Variants in RORA observed in about 807,000 individuals in gnomAD.
RORA encodes nuclear receptor ROR-alpha.
In RORA, 7 loss-of-function variants were observed where a neutral mutation model predicts 69.5. That is an observed-to-expected ratio of 0.10 (90% confidence interval 0.06 to 0.19). The LOEUF is 0.19. Ranked by LOEUF, RORA falls within the 10% of genes least tolerant of loss-of-function variation. The pLI is 1.00. For missense variants in RORA, 457 were observed against 663.0 expected (o/e 0.69, Z 3.41); for synonymous variants, 261 against 240.8 (o/e 1.08, Z -0.78).
At chr15:60,584,310 TTAGAGCTAACTTATGGCTTATG>T (rs2068270631) in intron 2 of RORA, among the ~76,000 whole-genome samples, 1 of 152,246 alleles carries the variant, frequency 6.6e-6, no homozygotes. Context: ...AGGCAGGATT[TTAGAGCTAACTTATGGCTTATG>T]TGGAAGCAAA....
intron 2 of RORA, among the ~76,000 whole-genome samples, chr15:60,543,474 C>T (rs2066967559): frequency 6.6e-6 from 1 of 152,010 alleles, no homozygotes; most frequent in Non-Finnish European, 1.5e-5. Context: ...CTATAATCAT[C>T]ATCACTGTCT....
chr15:60,665,773 C>T (rs1356226737), intron 2 of RORA, among the ~76,000 whole-genome samples: 1 of 152,158 alleles, frequency 6.6e-6, no homozygotes, highest in Non-Finnish European at 1.5e-5. Flanking sequence ...CTCCCGGGTT[C>T]AAGCAATTCT....
intron 1 of RORA, among the ~76,000 whole-genome samples, chr15:60,738,145 C>T (rs756367711): frequency 3.9e-5 from 6 of 152,144 alleles, no homozygotes; most frequent in South Asian, 2.1e-4. Flanking sequence ...AGGGATAAGC[C>T]GAGACCGTAG....
At chr15:60,759,217 G>C (rs1473551089) in intron 1 of RORA, among the ~76,000 whole-genome samples, 2 of 152,194 alleles carry the variant, frequency 1.3e-5, no homozygotes, top group African/African-American at 4.8e-5. Flanking sequence ...TATTCCCCAA[G>C]GAGAGCCTGA....
At chr15:60,655,028 A>G (rs2070199386) in intron 2 of RORA, among the ~76,000 whole-genome samples, 1 of 152,156 alleles carries the variant, frequency 6.6e-6, no homozygotes, top group Non-Finnish European at 1.5e-5. Flanking sequence ...CTTGTTTACC[A>G]CTTACTGCAT....
At chr15:60,501,128 C>T (rs553735441) in intron 8 of RORA, 59 bp from the exon 9 acceptor site, 5 of 911,240 alleles carry the variant, frequency 5.5e-6, no homozygotes, top group Non-Finnish European at 8.7e-6. Context: ...GGAGAAAAAC[C>T]TAGGTCTTAG....
At chr15:60,504,143 C>A (rs2141279216) in intron 6 of RORA, among the ~76,000 whole-genome samples, 1 of 152,182 alleles carries the variant, frequency 6.6e-6, no homozygotes, top group Non-Finnish European at 1.5e-5. Context: ...GGAAATTTAA[C>A]ACCACTTTAC....
rs1379648751 is a variant in RORA, at chr15:60,497,133, G to A, written c.*322C>T. On this transcript the variant is annotated 3_prime_UTR_variant, in exon 11 of 11. Coordinates refer to ENST00000335670, the MANE Select transcript of RORA (RefSeq NM_134261.3). ...TTGGTGACTCTGTAGAAAGTCTGTG[G>A]GCAGTGAGCTACAAGAAAAGGAAAT... The A allele has an allele frequency of 4.6e-6, 1 of 215,390 alleles. No homozygotes were observed. Among genetic ancestry groups the A allele is most frequent in the East Asian group, 1.1e-4 (1 of 9,120 alleles). 13.3% of individuals were successfully genotyped at this position (215,390 alleles called of 1,614,324 possible). A position where few individuals can be genotyped will look rare whatever the true frequency, so the allele number is the denominator to read the frequency against.
intron 1 of RORA, among the ~76,000 whole-genome samples, chr15:61,218,671 A>AACACAC (rs1289661510): frequency 1.8e-3 from 62 of 35,260 alleles, no homozygotes; most frequent in African/African-American, 4.0e-3. Flanking sequence ...TTACTAATAT[A>AACACAC]ACTCACACAC....
chr15:60,506,894 G>C (rs1289236472), intron 5 of RORA, among the ~76,000 whole-genome samples: 1 of 152,036 alleles, frequency 6.6e-6, no homozygotes, highest in African/African-American at 2.4e-5. Context: ...GGCTGAAGCA[G>C]GAGAATCGCT....
At chr15:60,751,711 C>T (rs2071725957) in intron 1 of RORA, among the ~76,000 whole-genome samples, 1 of 152,106 alleles carries the variant, frequency 6.6e-6, no homozygotes, top group Admixed American at 6.6e-5. Context: ...TGCATCCTCT[C>T]GGCACCAGGT....
At chr15:61,222,218 C>CCT (rs972765846) in intron 1 of RORA, among the ~76,000 whole-genome samples, 29 of 152,236 alleles carry the variant, frequency 1.9e-4, no homozygotes, top group African/African-American at 7.0e-4. Context: ...TACAGGGCTC[C>CCT]CTAGCTGACC....
At chr15:60,818,257 C>A (rs530393692) in intron 1 of RORA, among the ~76,000 whole-genome samples, 10 of 151,806 alleles carry the variant, frequency 6.6e-5, no homozygotes, top group African/African-American at 2.4e-4. Context: ...TTTGTGCCAA[C>A]CTAATAATAA....
chr15:60,988,836 A>G (rs1285448807), intron 1 of RORA, among the ~76,000 whole-genome samples: 5 of 152,018 alleles, frequency 3.3e-5, no homozygotes, highest in African/African-American at 1.2e-4. Flanking sequence ...CCCACTCCCC[A>G]TTTCCACTTA....
Position 60,504,327 on chromosome 15 carries a change from A to G in RORA, c.943-660T>C, listed in dbSNP as rs150018102. On this transcript the variant is annotated intron_variant, in intron 6 of 10. Coordinates refer to ENST00000335670, the MANE Select transcript of RORA (RefSeq NM_134261.3). ...TTTGGGAGGCCGAGGCAGGGGGATC[A>G]CTTGAGGTCTGGAGTTCAAGACCAG... Among the ~76,000 whole-genome samples, 125 of 151,846 alleles carry G rather than the reference A, an allele frequency of 8.2e-4. 1 individual carries two copies. In the East Asian group the frequency reaches 0.021, roughly 25 times the overall value.
intron 1 of RORA, among the ~76,000 whole-genome samples, chr15:60,928,423 G>C (rs16943359): frequency 2.0e-5 from 3 of 152,080 alleles, no homozygotes; most frequent in Admixed American, 1.3e-4. Context: ...CGGGAAGCTC[G>C]TGGAAGCCAA....
chr15:60,864,641 G>C (rs1011787062), intron 1 of RORA, among the ~76,000 whole-genome samples: 12 of 152,188 alleles, frequency 7.9e-5, no homozygotes, highest in Admixed American at 6.5e-4. Context: ...GACTTACCCA[G>C]TGGAAATGGG....
At chr15:61,040,151 TATATATATATATAA>T (rs1405153005) in intron 1 of RORA, among the ~76,000 whole-genome samples, 12 of 112,010 alleles carry the variant, frequency 1.1e-4, no homozygotes, top group African/African-American at 3.2e-4. Flanking sequence ...TATATATATA[TATATATATATATAA>T]AATATATGAA....
chr15:60,931,000 C>T (rs145540752), intron 1 of RORA, among the ~76,000 whole-genome samples: 6 of 152,248 alleles, frequency 3.9e-5, no homozygotes, highest in African/African-American at 1.2e-4. Context: ...GTAGGTGTTC[C>T]CTTTCTACAG....
Sources: allele counts gnomAD v4.1 joint callset (sites outside exome capture counted in the v4.1 genomes callset), GRCh38; gene constraint gnomAD v4.1.1; transcripts MANE v1.5; gene names NCBI Gene and HGNC (gene_info 2026-07-23, HGNC 2026-07-21).